The following RFX3 variants were observed in gnomAD, a reference collection of about 807,000 sequenced individuals.
RFX3 encodes regulatory factor X3, also known as transcription factor RFX3.
Under a neutral mutation model 98.6 loss-of-function variants are expected in RFX3, and 14 were observed. That is an observed-to-expected ratio of 0.14 (90% CI 0.09 to 0.22). The LOEUF (loss-of-function observed/expected upper bound fraction) is 0.22. RFX3 is among the 10% of genes least tolerant of loss of function. RFX3 has a pLI of 1.00. For synonymous variants in RFX3, 383 were observed against 328.4 expected, an observed-to-expected ratio of 1.17 and a Z score of -1.80; for missense variants, 639 against 926.9, an observed-to-expected ratio of 0.69 and a Z score of 4.03.
chr9:3,338,632 T>A (rs1414721268), intron 3 of RFX3, among the ~76,000 whole-genome samples: 1 of 152,194 alleles, frequency 6.6e-6, no homozygotes, highest in East Asian at 1.9e-4. Flanking sequence ...AAGTTCTTAA[T>A]TCTGTAGAAC....
At chr9:3,383,980 A>G (rs1046769040) in intron 2 of RFX3, among the ~76,000 whole-genome samples, 19 of 152,190 alleles carry the variant, frequency 1.2e-4, no homozygotes, top group African/African-American at 4.6e-4. Context: ...CCATTAAATT[A>G]ACCCTCTGAT....
chr9:3,318,113 G>A (rs10971400), intron 4 of RFX3, among the ~76,000 whole-genome samples: 1 of 152,126 alleles, frequency 6.6e-6, no homozygotes, highest in Non-Finnish European at 1.5e-5. Context: ...CAAAGTCTTG[G>A]AACCAACCCA....
At position 3,475,955 on chromosome 9, in the gene RFX3, ACGC is replaced by A. The variant is rs112843669; in HGVS notation, c.-9+49789_-9+49791del. 4.6e-5 allele frequency among the ~76,000 whole-genome samples: 7 copies of A among 152,218 alleles called. 1 individual carries two copies. Among genetic ancestry groups the A allele is most frequent in the Admixed American group, 1.3e-4 (2 of 15,272 alleles). On this transcript the variant is annotated intron_variant, in intron 1 of 16. Coordinates refer to ENST00000617270, the MANE Select transcript of RFX3 (RefSeq NM_001282116.2). ...TGCTTGGCAACAGGCATCTTCCCAG[ACGC>A]TGGCGTTACCGCTAGACCAAGGAGC...
At chr9:3,429,249 C>G (rs909037117) in intron 1 of RFX3, among the ~76,000 whole-genome samples, 3 of 150,946 alleles carry the variant, frequency 2.0e-5, no homozygotes, top group Non-Finnish European at 4.4e-5. Context: ...GTCTCGATCT[C>G]CTGACCTCGT....
In RFX3 at chr9:3,330,661, T is replaced by G. The variant is rs561881405; in HGVS notation, c.216-144A>C. On this transcript the variant is annotated intron_variant, in intron 3 of 16. Transcript: ENST00000617270. ...TTTCGCATTTTGTACAAAACTTCAT[T>G]CCCAGAAACAGTTCGATTTACTTTT... 20 of 706,358 alleles carry G rather than the reference T, an allele frequency of 2.8e-5. No individual in the cohort carries two copies. The African/African-American group carries it at 3.2e-4, about 11-fold the overall frequency. The allele number at this position is 706,358 out of a possible 1,614,324, so 43.8% of individuals were successfully genotyped here.
chr9:3,359,662 A>C (rs1836183241), intron 2 of RFX3, among the ~76,000 whole-genome samples: 1 of 152,168 alleles, frequency 6.6e-6, no homozygotes. Context: ...TATATTTAAT[A>C]ATTATTCAAT....
chr9:3,264,541 G>C (rs1017062681), intron 12 of RFX3, among the ~76,000 whole-genome samples: 3 of 152,134 alleles, frequency 2.0e-5, no homozygotes, highest in Non-Finnish European at 4.4e-5. Flanking sequence ...TATATACTAT[G>C]TGCCAGGCTC....
intron 7 of RFX3, among the ~76,000 whole-genome samples, chr9:3,281,084 A>C (rs1000174352): frequency 6.6e-6 from 1 of 151,734 alleles, no homozygotes; most frequent in African/African-American, 2.4e-5. Context: ...TTGAGCACAT[A>C]CTGTATTATG....
At chr9:3,301,517 T>C (rs1280661402) in intron 5 of RFX3, 29 bp downstream of exon 5, 1 of 1,471,674 alleles carries the variant, frequency 6.8e-7, no homozygotes, top group East Asian at 2.3e-5. Context: ...AAGCAAGAGA[T>C]TAGTGTACAT....
chr9:3,439,502 T>C (rs1051945005), intron 1 of RFX3, among the ~76,000 whole-genome samples: 10 of 152,020 alleles, frequency 6.6e-5, no homozygotes, highest in Admixed American at 5.2e-4. Flanking sequence ...ATAGATAATA[T>C]GGGAATATTT....
chr9:3,330,459 T>C lies in RFX3; in HGVS notation c.274A>G (p.Asn92Asp). The C allele has an allele frequency of 6.2e-7, 1 of 1,613,982 alleles. No homozygotes were observed. Among genetic ancestry groups the C allele is most frequent in the Non-Finnish European group, 8.5e-7 (1 of 1,179,932 alleles). The change falls in exon 4 of 17, where the codon AAT becomes GAT. Residue 92 changes from asparagine to aspartate, a missense_variant. Around this residue, in one of 9 missense-constraint regions of RFX3, gnomAD observed 210 missense variants for 197.7 expected, o/e 1.06. Transcript: ENST00000617270. The part of the protein sequence containing the change: ...TQMYSQNTGG[N>D]YFDTQGSSAQ... ...GAACTCCCTTGAGTATCAAAGTAAT[T>C]CCCTCCAGTATTTTGGCTGTACATC... is the stretch of plus-strand genomic sequence containing the variant.
chr9:3,384,920 T>C (rs1261256106), intron 2 of RFX3, among the ~76,000 whole-genome samples: 13 of 152,196 alleles, frequency 8.5e-5, no homozygotes, highest in African/African-American at 3.1e-4. Flanking sequence ...ATTCCCTCAC[T>C]GTTACCTCTA....
At chr9:3,308,511 G>T (rs1563900449) in intron 4 of RFX3, among the ~76,000 whole-genome samples, 2 of 152,144 alleles carry the variant, frequency 1.3e-5, no homozygotes, top group Non-Finnish European at 2.9e-5. Context: ...TCAAAGCCTG[G>T]CAAAGGTTCA....
intron 1 of RFX3, among the ~76,000 whole-genome samples, chr9:3,487,317 C>T (rs1850361588): frequency 6.6e-6 from 1 of 152,178 alleles, no homozygotes; most frequent in Non-Finnish European, 1.5e-5. Context: ...AAGCCCAAGA[C>T]ATGCTATGTT....
intron 2 of RFX3, among the ~76,000 whole-genome samples, chr9:3,352,073 T>C (rs1356115516): frequency 1.3e-5 from 2 of 152,036 alleles, no homozygotes; most frequent in Non-Finnish European, 1.5e-5. Flanking sequence ...ATAGAATACA[T>C]GGCTGATATA....
At chr9:3,232,243 A>G (rs1456875360) in intron 15 of RFX3, among the ~76,000 whole-genome samples, 1 of 152,214 alleles carries the variant, frequency 6.6e-6, no homozygotes, top group East Asian at 1.9e-4. Flanking sequence ...GCTACTCTTC[A>G]CTGACGTGAC....
chr9:3,285,476 T>C (rs1475924730), intron 7 of RFX3, among the ~76,000 whole-genome samples: 2 of 151,728 alleles, frequency 1.3e-5, no homozygotes, highest in African/African-American at 4.8e-5. Flanking sequence ...AACTCCTTCT[T>C]TCCTGTCTAA....
intron 13 of RFX3, among the ~76,000 whole-genome samples, chr9:3,259,211 T>C (rs1351274793): frequency 5.3e-5 from 8 of 152,010 alleles, no homozygotes; most frequent in African/African-American, 1.9e-4. Flanking sequence ...AACTTACTAG[T>C]ATCCATGAAG....
chr9:3,241,015 T>C (rs568845727), intron 15 of RFX3, among the ~76,000 whole-genome samples: 1 of 152,362 alleles, frequency 6.6e-6, no homozygotes, highest in Admixed American at 6.5e-5. Flanking sequence ...TGAGATTTCT[T>C]TCCTGATGTC....
Sources: allele counts gnomAD v4.1 joint callset (sites outside exome capture counted in the v4.1 genomes callset), GRCh38; gene constraint gnomAD v4.1.1; regional missense constraint gnomAD v4.1.1; transcripts MANE v1.5; gene names NCBI Gene and HGNC (gene_info 2026-07-23, HGNC 2026-07-21).